The following ABCB11 variants were observed in gnomAD, a reference collection of about 807,000 sequenced individuals.
ABCB11 encodes ATP binding cassette subfamily B member 11, also known as bile salt export pump.
In ABCB11, 95 loss-of-function variants were observed where a neutral mutation model predicts 148.0. That is an observed-to-expected ratio of 0.64 (90% CI 0.54 to 0.76). The LOEUF is 0.76. ABCB11 is among the 30% of genes least tolerant of loss of function. The pLI is 0.00. For synonymous variants in ABCB11, 591 were observed against 555.4 expected (o/e 1.06, Z -0.90); for missense variants, 1,523 against 1,617.8 (o/e 0.94, Z 1.01).
At chr2:168,950,350 A>G (rs1692507950) in intron 19 of ABCB11, among the ~76,000 whole-genome samples, 1 of 151,606 alleles carries the variant, frequency 6.6e-6, no homozygotes, top group Admixed American at 6.6e-5. Context: ...GTTCTTTGAG[A>G]AATCTCCATT....
Position 169,013,460 on chromosome 2 carries a change from C to T in ABCB11, c.201G>A (p.Leu67=), listed in dbSNP as rs1695254623. ...TDIWLMFVGS[L]CAFLHGIAQP... ...GGGCTATTCCATGGAGAAATGCACA[C>T]AAACTTCCCACAAACATCAGCCAAA... Residue 67 remains leucine (L), a synonymous_variant, in exon 5 of 28, where the codon TTG becomes TTA. Transcript: ENST00000650372. 1 of 1,613,610 alleles carries T rather than the reference C, an allele frequency of 6.2e-7. No individual in the cohort carries two copies. The highest frequency in any genetic ancestry group is 8.5e-7 in the Non-Finnish European group (1 of 1,179,762).
chr2:168,953,532 A>G (rs750634832), intron 19 of ABCB11, among the ~76,000 whole-genome samples: 1 of 147,900 alleles, frequency 6.8e-6, no homozygotes, highest in Admixed American at 6.8e-5. Context: ...TTTGGTTTCC[A>G]TTTGCATGGA....
intron 18 of ABCB11, among the ~76,000 whole-genome samples, chr2:168,961,392 G>A (rs1465835502): frequency 6.6e-6 from 1 of 151,720 alleles, no homozygotes; most frequent in Non-Finnish European, 1.5e-5. Flanking sequence ...CTATGACAAA[G>A]GAGCAGAGAT....
chr2:168,962,944 C>T (rs1693139683), intron 18 of ABCB11, among the ~76,000 whole-genome samples: 1 of 151,672 alleles, frequency 6.6e-6, no homozygotes, highest in Non-Finnish European at 1.5e-5. Flanking sequence ...AAATTGAGAC[C>T]TCTGTTTATT....
intron 10 of ABCB11, among the ~76,000 whole-genome samples, chr2:168,983,488 C>G (rs555198581): frequency 6.6e-6 from 1 of 152,288 alleles, no homozygotes; most frequent in South Asian, 2.1e-4. Flanking sequence ...CATACTATCT[C>G]TTTAAAGTTT....
At chr2:168,985,210 C>G (rs935342503) in intron 10 of ABCB11, among the ~76,000 whole-genome samples, 2 of 152,134 alleles carry the variant, frequency 1.3e-5, no homozygotes, top group African/African-American at 4.8e-5. Context: ...CCACCTTAAT[C>G]TTGCAAGAAT....
At chr2:168,947,615 C>T (rs1170405984) in intron 19 of ABCB11, among the ~76,000 whole-genome samples, 1 of 151,704 alleles carries the variant, frequency 6.6e-6, no homozygotes, top group East Asian at 1.9e-4. Context: ...TAAATAGACT[C>T]ACAATTATAC....
rs1419277835 is a variant in ABCB11 at position 168,935,193 on chromosome 2, T to C, written c.3047A>G (p.Tyr1016Cys). ...LISNEGLHFSYVFRVISAVVL... is the reference protein window; with the variant it reads ...LISNEGLHFSCVFRVISAVVL... Reference sequence around the variant, plus strand: ...GCTAGATATTCCTCACCTGAACACATAGCTGAAATGGAGCCCCTCATTGGA... The same window carrying C: ...GCTAGATATTCCTCACCTGAACACACAGCTGAAATGGAGCCCCTCATTGGA... Residue 1016 changes from tyrosine to cysteine, a missense_variant, in exon 23 of 28, where the codon TAT becomes TGT. Transcript: ENST00000650372. 4 of 1,614,008 alleles carry C rather than the reference T, an allele frequency of 2.5e-6. No homozygotes were observed. In the Admixed American group the frequency reaches 6.7e-5, roughly 27 times the overall value.
At position 168,947,359 on chromosome 2, in the gene ABCB11, T is replaced by C. The variant is rs80144752; in HGVS notation, c.2344-2398A>G. On this transcript the variant is annotated intron_variant, in intron 19 of 27. Transcript: ENST00000650372. The stretch of plus-strand genomic sequence containing the variant: ...CGACTCTCACATCCATTTTTTTTTT[T>C]CCCCAGCATGCTACATCCCAAGTGC... Among the ~76,000 whole-genome samples, 785 of 151,078 alleles carry C rather than the reference T, an allele frequency of 5.2e-3. 4 individuals carry two copies. Among genetic ancestry groups the C allele is most frequent in the African/African-American group, 0.018 (747 of 41,266 alleles).
Position 168,960,330 on chromosome 2 carries a change from C to T in ABCB11, c.2179-2202G>A, listed in dbSNP as rs1034357651. ...GATGTGTCAGCTGTGCTGTACGTAC[C>T]ATCAAAGGGTAGGCTTTGGAACTTG... On this transcript the variant is annotated intron_variant, in intron 18 of 27. Coordinates refer to ENST00000650372, the MANE Select transcript of ABCB11 (RefSeq NM_003742.4). Among the ~76,000 whole-genome samples, 4 of 151,670 alleles carry T rather than the reference C, an allele frequency of 2.6e-5. No individual in the cohort carries two copies. In the East Asian group the frequency reaches 5.9e-4, roughly 22 times the overall value.
chr2:168,928,445 A>C (rs508506), intron 25 of ABCB11, among the ~76,000 whole-genome samples: 115,040 of 151,992 alleles, frequency 0.76, 44,647 homozygotes, highest in East Asian at 0.98. Context: ...CATTTGGTAG[A>C]TTAAGAGCAA....
chr2:168,985,053 G>A (rs180733663), intron 10 of ABCB11, among the ~76,000 whole-genome samples: 128 of 151,890 alleles, frequency 8.4e-4, no homozygotes, highest in Non-Finnish European at 1.1e-3. Context: ...ACTAATATCC[G>A]GAATCTACAA....
chr2:168,974,866 G>T (rs28689500), intron 12 of ABCB11, among the ~76,000 whole-genome samples: 86,010 of 150,370 alleles, frequency 0.57, 24,810 homozygotes, highest in East Asian at 0.72. Context: ...AACATTTGAT[G>T]TTTAGGTACA....
chr2:168,951,214 G>C (rs899220988), intron 19 of ABCB11, among the ~76,000 whole-genome samples: 1 of 151,586 alleles, frequency 6.6e-6, no homozygotes, highest in Non-Finnish European at 1.5e-5. Flanking sequence ...TTTTGCTTAG[G>C]ATTGCTTTGG....
intron 10 of ABCB11, among the ~76,000 whole-genome samples, chr2:168,985,723 A>G (rs557956131): frequency 1.3e-5 from 2 of 152,228 alleles, no homozygotes; most frequent in South Asian, 2.1e-4. Context: ...GTTCTCACTC[A>G]TAAGTGGGAG....
chr2:168,984,417 T>C (rs923775748), intron 10 of ABCB11, among the ~76,000 whole-genome samples: 2 of 152,188 alleles, frequency 1.3e-5, no homozygotes, highest in African/African-American at 4.8e-5. Flanking sequence ...ACATAGTAGA[T>C]GCTGAATAAT....
At chr2:168,990,763 A>G (rs1282465992) in intron 9 of ABCB11, 38 bp downstream of exon 9, 1 of 1,610,144 alleles carries the variant, frequency 6.2e-7, no homozygotes, top group Non-Finnish European at 8.5e-7. Flanking sequence ...ATGCTGATTG[A>G]TGAAATTAAG....
At chr2:169,013,551 A>G (rs780063066) in intron 4 of ABCB11, 41 bp from the exon 5 acceptor site, 2 of 1,537,984 alleles carry the variant, frequency 1.3e-6, no homozygotes, top group South Asian at 2.3e-5. Context: ...ATGGGTGAAG[A>G]GCAGGAGAGG....
At chr2:168,933,378 A>G (rs1255946690) in intron 23 of ABCB11, among the ~76,000 whole-genome samples, 2 of 152,218 alleles carry the variant, frequency 1.3e-5, no homozygotes, top group African/African-American at 2.4e-5. Context: ...GCCTCTAACT[A>G]TAGTCAACAT....
Sources: allele counts gnomAD v4.1 joint callset (sites outside exome capture counted in the v4.1 genomes callset), GRCh38; gene constraint gnomAD v4.1.1; transcripts MANE v1.5; gene names NCBI Gene and HGNC (gene_info 2026-07-23, HGNC 2026-07-21).